Variants in RRAGB observed in about 807,000 individuals in gnomAD.
RRAGB encodes Ras related GTP binding B.
In RRAGB, 6 loss-of-function variants were observed where a neutral mutation model predicts 29.3. The ratio of observed to expected loss-of-function variants is 0.21; its 90% CI spans 0.11 to 0.40. RRAGB has a LOEUF of 0.40. RRAGB is among the 10% of genes least tolerant of loss of function. RRAGB has a pLI of 1.00. For missense variants in RRAGB, 184 were observed against 272.9 expected, an observed-to-expected ratio of 0.67 and a Z score of 2.29; for synonymous variants, 101 against 92.5, an observed-to-expected ratio of 1.09 and a Z score of -0.53.
chrX:55,752,626 C>G (rs186850180), intron 6 of RRAGB, among the ~76,000 whole-genome samples: 126 of 111,889 alleles, frequency 1.1e-3, no homozygotes, highest in Admixed American at 3.3e-3. Context: ...GGTTCCTGCC[C>G]TCTTGTAGGG....
At chrX:55,729,985 A>T (rs1024618561) in intron 4 of RRAGB, among the ~76,000 whole-genome samples, 3 of 112,099 alleles carry the variant, frequency 2.7e-5, no homozygotes, top group African/African-American at 9.7e-5. Flanking sequence ...CAGCTCTGTT[A>T]GCTGTGTTAT....
intron 5 of RRAGB, among the ~76,000 whole-genome samples, chrX:55,743,521 C>G (rs2034149058): frequency 8.9e-6 from 1 of 112,564 alleles, no homozygotes; most frequent in Non-Finnish European, 1.9e-5. Context: ...CCACCATGGC[C>G]ACTTTATTCA....
intron 2 of RRAGB, among the ~76,000 whole-genome samples, chrX:55,720,885 A>G (rs1159628681): frequency 2.7e-5 from 3 of 111,552 alleles, no homozygotes; most frequent in African/African-American, 9.8e-5. Flanking sequence ...CTCAAAAAAA[A>G]TAAAATAAAA....
intron 2 of RRAGB, among the ~76,000 whole-genome samples, chrX:55,720,739 G>A (rs2033242436): frequency 9.2e-6 from 1 of 109,247 alleles, no homozygotes; most frequent in Non-Finnish European, 1.9e-5. Flanking sequence ...GTAATCCCAG[G>A]CATGGGATGG....
At chrX:55,727,212 C>T (rs1276834063) in intron 3 of RRAGB, 2 of 798,615 alleles carry the variant, frequency 2.5e-6, no homozygotes, top group East Asian at 7.5e-5. Context: ...ATTTCTATCC[C>T]ATGTGCCCCA....
At chrX:55,744,821 T>C (rs1428922230) in intron 5 of RRAGB, among the ~76,000 whole-genome samples, 1 of 112,037 alleles carries the variant, frequency 8.9e-6, no homozygotes, top group Non-Finnish European at 1.9e-5. Flanking sequence ...ATGACCCAAG[T>C]GGAAAGCAGC....
chrX:55,751,919 T>G (rs993908334), intron 6 of RRAGB, among the ~76,000 whole-genome samples: 1 of 110,954 alleles, frequency 9.0e-6, no homozygotes, highest in Non-Finnish European at 1.9e-5. Context: ...AGCCCTTCCC[T>G]TCAGACTGCT....
At chrX:55,735,147 GAGTCCAGTTTA>G (rs1278136358) in intron 5 of RRAGB, among the ~76,000 whole-genome samples, 1 of 111,775 alleles carries the variant, frequency 8.9e-6, no homozygotes, top group Non-Finnish European at 1.9e-5. Flanking sequence ...ACTTTTTCTA[GAGTCCAGTTTA>G]AGTCCAGTGT....
intron 5 of RRAGB, among the ~76,000 whole-genome samples, chrX:55,747,312 C>T (rs1311294863): frequency 8.9e-6 from 1 of 112,506 alleles, no homozygotes; most frequent in Non-Finnish European, 1.9e-5. Flanking sequence ...TGGCCAATGC[C>T]CTCACTTTAT....
intron 1 of RRAGB, among the ~76,000 whole-genome samples, 182 bp from the exon 2 acceptor site, chrX:55,719,132 A>T (rs1318662455): frequency 8.9e-6 from 1 of 111,795 alleles, no homozygotes; most frequent in Non-Finnish European, 1.9e-5. Context: ...TAGAGAGTAT[A>T]CACACAGTTT....
chrX:55,718,901 G>T (rs938003310), intron 1 of RRAGB, among the ~76,000 whole-genome samples: 1 of 111,684 alleles, frequency 9.0e-6, no homozygotes, highest in Non-Finnish European at 1.9e-5. Context: ...AAAATTAGGA[G>T]GCTGAATGTT....
chrX:55,724,541 A>G (rs930320582), intron 3 of RRAGB, among the ~76,000 whole-genome samples: 9 of 111,723 alleles, frequency 8.1e-5, no homozygotes, highest in Admixed American at 6.6e-4. Flanking sequence ...ATAGTGTCCT[A>G]TGGCCTGTCA....
At position 55,718,338 on chromosome X, in the gene RRAGB, C is replaced by T; in HGVS notation, c.11C>T (p.Ser4Phe). The T allele has an allele frequency of 8.3e-7, 1 of 1,203,879 alleles. No individual in the cohort carries two copies. Among genetic ancestry groups the T allele is most frequent in the Non-Finnish European group, 1.1e-6 (1 of 890,567 alleles). The change falls in exon 1 of 10, where the codon TCT becomes TTT. Residue 4 changes from serine to phenylalanine, a missense_variant. By Grantham distance (155) the Ser-to-Phe change is radical. Transcript: ENST00000374941. ...AGGACTTGTTGCGCAATGGAAGAATCTGACTCTGAGAAAACGACGGAGAAA... is the reference window on the plus strand; with the variant it reads ...AGGACTTGTTGCGCAATGGAAGAATTTGACTCTGAGAAAACGACGGAGAAA... MEESDSEKTTEKEN... is the reference protein window; with the variant it reads MEEFDSEKTTEKEN...
chrX:55,742,921 A>G (rs1042816254), intron 5 of RRAGB, among the ~76,000 whole-genome samples: 32 of 112,194 alleles, frequency 2.9e-4, no homozygotes, highest in African/African-American at 1.0e-3. Context: ...TCAAAAGGCC[A>G]TTCTAACCAG....
chrX:55,741,202 C>G (rs1157046576), intron 5 of RRAGB, among the ~76,000 whole-genome samples: 1 of 110,820 alleles, frequency 9.0e-6, no homozygotes, highest in East Asian at 2.8e-4. Context: ...TCATTGTCAG[C>G]TTCTGATGGC....
At chrX:55,749,395 C>T (rs1369091370) in intron 5 of RRAGB, among the ~76,000 whole-genome samples, 3 of 99,815 alleles carry the variant, frequency 3.0e-5, no homozygotes, top group East Asian at 3.4e-4. Flanking sequence ...TCAGCCGCCC[C>T]GTCCGGGAGG....
intron 1 of RRAGB, among the ~76,000 whole-genome samples, chrX:55,718,793 G>C (rs2033152126): frequency 9.0e-6 from 1 of 111,482 alleles, no homozygotes. Context: ...GTGCCAATTT[G>C]TACCTGAATT....
chrX:55,722,171 C>T lies in RRAGB; in HGVS notation c.127-15C>T, dbSNP rs754020922. On this transcript the variant is annotated splice_polypyrimidine_tract_variant and intron_variant, in intron 2 of 9. Transcript: ENST00000374941. Reference sequence around the variant, plus strand: ...GCTAACTTTTTTCCTTTCCTTTTCCCTACTTTGTCCTTAGGTGCTGTTGAT... The same window carrying T: ...GCTAACTTTTTTCCTTTCCTTTTCCTTACTTTGTCCTTAGGTGCTGTTGAT... The T allele has an allele frequency of 6.4e-6, 7 of 1,087,518 alleles. No individual in the cohort carries two copies. In the Admixed American group the frequency reaches 1.6e-4, roughly 24 times the overall value. The allele number at this position is 1,087,518 out of a possible 1,213,427, so 89.6% of individuals were successfully genotyped here.
chrX:55,741,940 C>T (rs988908589), intron 5 of RRAGB, among the ~76,000 whole-genome samples: 2 of 111,757 alleles, frequency 1.8e-5, no homozygotes, highest in Admixed American at 9.5e-5. Context: ...TGAAACCATA[C>T]CTAATCTTCA....
Sources: allele counts gnomAD v4.1 joint callset (sites outside exome capture counted in the v4.1 genomes callset), GRCh38; gene constraint gnomAD v4.1.1; transcripts MANE v1.5; gene names NCBI Gene and HGNC (gene_info 2026-07-23, HGNC 2026-07-21).